Variants in PGM2L1 observed in about 807,000 individuals in gnomAD.
PGM2L1 encodes the protein glucose 1,6-bisphosphate synthase.
Under a neutral mutation model 73.4 loss-of-function variants are expected in PGM2L1, and 35 were observed. The observed-to-expected ratio is 0.48, with a 90% CI of 0.36 to 0.63. The LOEUF (loss-of-function observed/expected upper bound fraction) is 0.63. Ranked by LOEUF, PGM2L1 falls within the 30% of genes least tolerant of loss-of-function variation. PGM2L1 has a pLI of 0.00. For missense variants in PGM2L1, 570 were observed against 742.0 expected (o/e 0.77, Z 2.69); for synonymous variants, 225 against 253.8 (o/e 0.89, Z 1.08).
intron 4 of PGM2L1, among the ~76,000 whole-genome samples, chr11:74,370,316 G>A (rs950012669): frequency 1.3e-5 from 2 of 152,100 alleles, no homozygotes; most frequent in African/African-American, 4.8e-5. Context: ...CCCACGCTCC[G>A]TGCAAAGCAA....
At chr11:74,369,499 G>A (rs920210424) in intron 4 of PGM2L1, among the ~76,000 whole-genome samples, 9 of 152,136 alleles carry the variant, frequency 5.9e-5, no homozygotes, top group East Asian at 1.9e-4. Flanking sequence ...AACGAGGAAC[G>A]AGGCTGTAAT....
intron 1 of PGM2L1, among the ~76,000 whole-genome samples, chr11:74,386,113 C>T (rs1863014067): frequency 6.6e-6 from 1 of 151,848 alleles, no homozygotes; most frequent in East Asian, 1.9e-4. Context: ...ATTCAAAAGA[C>T]AAACTGAGAA....
chr11:74,397,991 AG>A (rs1301823636), intron 1 of PGM2L1, 59 bp downstream of exon 1: 2 of 1,483,028 alleles, frequency 1.3e-6, no homozygotes, highest in African/African-American at 2.8e-5. Flanking sequence ...GGGTGGGCAC[AG>A]GAAAGAGCAG....
chr11:74,398,265 TGAAG>T lies in PGM2L1; in HGVS notation c.-108_-105del. Reference sequence around the variant, plus strand: ...CAGGGTCCAGGCGTCCCCACCTCACTGAAGGGCATCGGAGACCAACCGCAGGGTG... The same window carrying T: ...CAGGGTCCAGGCGTCCCCACCTCACTGGCATCGGAGACCAACCGCAGGGTG... On this transcript the variant is annotated 5_prime_UTR_variant, in exon 1 of 14. The change abolishes the stop of an existing upstream ORF in the 5' untranslated region. Coordinates refer to ENST00000298198, the MANE Select transcript of PGM2L1 (RefSeq NM_173582.6). 2 of 1,425,830 alleles carry T rather than the reference TGAAG, an allele frequency of 1.4e-6. No homozygotes were observed. The highest frequency in any genetic ancestry group is 1.8e-6 in the Non-Finnish European group (2 of 1,085,422). 88.3% of individuals were successfully genotyped at this position (1,425,830 alleles called of 1,614,324 possible). A position where few individuals can be genotyped will look rare whatever the true frequency, so the allele number is the denominator to read the frequency against.
At chr11:74,395,147 ATATT>A (rs1412493392) in intron 1 of PGM2L1, among the ~76,000 whole-genome samples, 6 of 152,140 alleles carry the variant, frequency 3.9e-5, no homozygotes, top group Non-Finnish European at 5.9e-5. Flanking sequence ...GAAATTTATT[ATATT>A]TATTAAATAA....
rs190400995 is a variant in PGM2L1, at chr11:74,345,839, C to T, written c.1038-190G>A. On this transcript the variant is annotated intron_variant, in intron 8 of 13. Coordinates refer to ENST00000298198, the MANE Select transcript of PGM2L1 (RefSeq NM_173582.6). ...TGATTTTACGGTAGGAATGGTACAA[C>T]GTCTTTTGGAAAATTATTATATCAT... Among the ~76,000 whole-genome samples the T allele has an allele frequency of 4.7e-3, 712 of 152,162 alleles. 8 individuals carry two copies. Among genetic ancestry groups the T allele is most frequent in the African/African-American group, 0.016 (673 of 41,498 alleles).
At chr11:74,350,608 G>A (rs595798) in intron 6 of PGM2L1, among the ~76,000 whole-genome samples, 90,420 of 151,812 alleles carry the variant, frequency 0.6, 27,618 homozygotes, top group East Asian at 0.8. Flanking sequence ...TGGGCATGGT[G>A]GCTCACACCT....
At chr11:74,389,647 A>G (rs1450063023) in intron 1 of PGM2L1, among the ~76,000 whole-genome samples, 1 of 150,894 alleles carries the variant, frequency 6.6e-6, no homozygotes, top group African/African-American at 2.4e-5. Flanking sequence ...TGGGGGTTTC[A>G]CCATGTTGGC....
chr11:74,351,348 T>C (rs1862349840), intron 6 of PGM2L1, 35 bp downstream of exon 6: 1 of 1,541,334 alleles, frequency 6.5e-7, no homozygotes, highest in Non-Finnish European at 8.8e-7. Context: ...AACGTTATTC[T>C]GAAGTAGTAT....
chr11:74,336,990 A>G (rs1250846485), intron 13 of PGM2L1, among the ~76,000 whole-genome samples: 1 of 152,172 alleles, frequency 6.6e-6, no homozygotes, highest in Admixed American at 6.5e-5. Flanking sequence ...GCACATGATA[A>G]ACAGAGGAGT....
rs566893830 is a variant in PGM2L1, at chr11:74,335,717, G to A, written c.*935C>T. On this transcript the variant is annotated 3_prime_UTR_variant, in exon 14 of 14. Coordinates refer to ENST00000298198, the MANE Select transcript of PGM2L1 (RefSeq NM_173582.6). ...GTTCAGATTTTTTTCTGTAATAAAA[G>A]GTTTGATAAATGACACAATTCTAAT... is the stretch of plus-strand genomic sequence containing the variant. The A allele has an allele frequency of 1.3e-5, 2 of 152,528 alleles. No homozygotes were observed. The highest frequency in any genetic ancestry group is 2.9e-5 in the Non-Finnish European group (2 of 67,976). 9.4% of individuals were successfully genotyped at this position (152,528 alleles called of 1,614,324 possible).
intron 1 of PGM2L1, among the ~76,000 whole-genome samples, chr11:74,391,528 CG>C (rs556130151): frequency 4.9e-4 from 74 of 152,130 alleles, no homozygotes; most frequent in African/African-American, 1.3e-3. Context: ...TGGGGTGTAA[CG>C]TTTTTTTCTT....
At chr11:74,351,974 AAAT>A (rs1273961784) in intron 5 of PGM2L1, among the ~76,000 whole-genome samples, 144 of 139,596 alleles carry the variant, frequency 1.0e-3, no homozygotes, top group African/African-American at 3.4e-3. Context: ...AAAAAAAAAT[AAAT>A]AAAAATAAAA....
At chr11:74,377,958 AAG>A (rs1359634679) in intron 1 of PGM2L1, among the ~76,000 whole-genome samples, 24 of 152,124 alleles carry the variant, frequency 1.6e-4, no homozygotes, top group Non-Finnish European at 2.9e-4. Context: ...AAAAAAAAAA[AAG>A]AGGAGGAAGA....
At chr11:74,357,463 AAAC>A (rs1862476682) in intron 5 of PGM2L1, among the ~76,000 whole-genome samples, 2 of 152,206 alleles carry the variant, frequency 1.3e-5, no homozygotes, top group Admixed American at 6.5e-5. Flanking sequence ...ATGGAAATTA[AAAC>A]AACAATGAGA....
At chr11:74,354,429 T>C (rs55742477) in intron 5 of PGM2L1, 2 of 681,702 alleles carry the variant, frequency 2.9e-6, no homozygotes, top group South Asian at 3.6e-5. Flanking sequence ...TAAAGTCTCC[T>C]TCCCCCTGCT....
Position 74,345,601 on chromosome 11 carries a change from T to A in PGM2L1, c.1086A>T (p.Gly362=). 6.2e-7 allele frequency: 1 copy of A among 1,613,768 alleles called. No individual in the cohort carries two copies. The highest frequency in any genetic ancestry group is 1.7e-5 in the Admixed American group (1 of 59,992). The change falls in exon 9 of 14, where the codon GGA becomes GGT. Residue 362 remains glycine, a synonymous_variant. Coordinates refer to ENST00000298198, the MANE Select transcript of PGM2L1 (RefSeq NM_173582.6). ...TCTTCCAGCAATCAAACATCCACCA[T>A]CCAAACAAAGCTGCCAACTCATTCC... The part of the protein sequence containing the change: ...FTGNELAALF[G]WWMFDCWKKN...
chr11:74,376,252 G>C (rs1862851154), intron 1 of PGM2L1, among the ~76,000 whole-genome samples: 1 of 151,970 alleles, frequency 6.6e-6, no homozygotes, highest in Non-Finnish European at 1.5e-5. Context: ...CTAAGATTTA[G>C]AGAGGGAGCC....
chr11:74,365,913 G>A (rs949773966), intron 5 of PGM2L1, among the ~76,000 whole-genome samples: 30 of 152,136 alleles, frequency 2.0e-4, no homozygotes, highest in Non-Finnish European at 8.8e-5. Flanking sequence ...ACATGCACAC[G>A]TATGTTTATT....
Sources: gnomAD v4.1 joint callset for allele counts (sites outside exome capture counted in the v4.1 genomes callset) on GRCh38, gnomAD v4.1.1 for gene constraint, MANE v1.5 for transcripts, NCBI Gene and HGNC (gene_info 2026-07-23, HGNC 2026-07-21) for gene names.